The following BBS4 variants were observed in gnomAD, a reference collection of about 807,000 sequenced individuals.
The protein encoded by BBS4 is Bardet-Biedl syndrome 4, also known as BBSome complex member BBS4.
BBS4 carries 58 observed loss-of-function variants against 71.4 expected under a neutral mutation model. That is an observed-to-expected ratio of 0.81 (90% CI 0.66 to 1.01). The LOEUF (loss-of-function observed/expected upper bound fraction) is 1.01, where lower values mean the gene tolerates loss of function less well. Among genes scored for constraint, BBS4 ranks in the 50% least tolerant of loss-of-function variants. BBS4 has a pLI of 0.00. For missense variants in BBS4, 660 were observed against 607.9 expected, an observed-to-expected ratio of 1.09 and a Z score of -0.90; for synonymous variants, 228 against 216.8, an observed-to-expected ratio of 1.05 and a Z score of -0.46.
chr15:72,721,938 G>A (rs1405803651), intron 6 of BBS4, among the ~76,000 whole-genome samples: 1 of 152,172 alleles, frequency 6.6e-6, no homozygotes, highest in Admixed American at 6.5e-5. Context: ...GAACTGGAAC[G>A]CTTCAGCATC....
rs1005128635 is a variant in BBS4 at position 72,731,552 on chromosome 15, T to C, written c.865-3T>C. ...CTCATTGAGTGCCCCTTCTCTCTCA[T>C]AGGCCATCAGCTGCCTGAAACGAGC... On this transcript the variant is annotated splice_region_variant and splice_polypyrimidine_tract_variant and intron_variant, in intron 11 of 15. Coordinates refer to ENST00000268057, the MANE Select transcript of BBS4 (RefSeq NM_033028.5). The C allele has an allele frequency of 5.6e-6, 9 of 1,614,242 alleles. No homozygotes were observed. The highest frequency in any genetic ancestry group is 2.2e-5 in the South Asian group (2 of 91,092).
intron 1 of BBS4, among the ~76,000 whole-genome samples, chr15:72,688,615 G>A (rs2064923190): frequency 6.6e-6 from 1 of 151,946 alleles, no homozygotes; most frequent in Admixed American, 6.6e-5. Flanking sequence ...ACGTTGGCCA[G>A]GCTGGTCTTG....
At chr15:72,704,133 C>T (rs887398104) in intron 2 of BBS4, among the ~76,000 whole-genome samples, 1 of 152,108 alleles carries the variant, frequency 6.6e-6, no homozygotes, top group South Asian at 2.1e-4. Flanking sequence ...CTTCTGCCCC[C>T]ACTGTCTTGG....
rs2065932114 is a variant in BBS4, at chr15:72,736,760, A to C, written c.1249-2A>C. 6.2e-7 allele frequency: 1 copy of C among 1,614,156 alleles called. No homozygotes were observed. Among genetic ancestry groups the C allele is most frequent in the Non-Finnish European group, 8.5e-7 (1 of 1,180,002 alleles). On this transcript the variant is annotated splice_acceptor_variant, in intron 14 of 15. Transcript: ENST00000268057. LOFTEE classifies it high-confidence loss of function. ...TTCTTTTACTTCCTTTGTGGACACA[A>C]GATGGTGGAGATGGCTCAGAAGTTG...
At chr15:72,735,089 G>A in intron 12 of BBS4, 24 bp from the exon 13 acceptor site, 1 of 1,589,288 alleles carries the variant, frequency 6.3e-7, no homozygotes, top group Non-Finnish European at 8.6e-7. Context: ...GAGCTCTCCA[G>A]CTGCAGTGCT....
At chr15:72,727,869 A>G (rs1438731913) in intron 8 of BBS4, 71 bp from the exon 9 acceptor site, 8 of 1,156,652 alleles carry the variant, frequency 6.9e-6, no homozygotes, top group African/African-American at 3.0e-5. Context: ...GCACGAGGGC[A>G]TATTACTGTG....
At chr15:72,735,689 G>T (rs542963162) in intron 13 of BBS4, 136 bp from the exon 14 acceptor site, 7 of 1,102,040 alleles carry the variant, frequency 6.4e-6, no homozygotes, top group Non-Finnish European at 9.6e-6. Flanking sequence ...TGCTTAGCAC[G>T]TATGTACCTA....
At chr15:72,686,436 A>G in intron 1 of BBS4, 185 bp downstream of exon 1, 1 of 1,533,160 alleles carries the variant, frequency 6.5e-7, no homozygotes, top group South Asian at 1.2e-5. Context: ...AAGTCTGGAT[A>G]CTTAGCAGCA....
intron 3 of BBS4, among the ~76,000 whole-genome samples, chr15:72,712,039 T>C (rs552231310): frequency 6.6e-6 from 1 of 152,198 alleles, no homozygotes; most frequent in Admixed American, 6.5e-5. Flanking sequence ...CGGCTAATTT[T>C]TGTATTTTTA....
In BBS4 at chr15:72,731,703, G is replaced by A. The variant is rs750983167; in HGVS notation, c.1013G>A (p.Gly338Glu). ...GCCATCAACTTCCAGCCAAAGATGG[G>A]GGAGCTCTACATGCTCTTGGCAGGT... is the stretch of plus-strand genomic sequence containing the variant. ...SAAINFQPKM[G>E]ELYMLLAVAL... The change falls in exon 12 of 16, where the codon GGG becomes GAG. Residue 338 changes from glycine to glutamate, a missense_variant. Transcript: ENST00000268057. The A allele has an allele frequency of 1.9e-6, 3 of 1,614,014 alleles. No homozygotes were observed. In the South Asian group the frequency reaches 3.3e-5, roughly 18 times the overall value.
intron 8 of BBS4, 79 bp from the exon 9 acceptor site, chr15:72,727,861 A>G (rs2065732110): frequency 9.2e-7 from 1 of 1,082,902 alleles, no homozygotes; most frequent in Non-Finnish European, 1.4e-6. Flanking sequence ...CAAGTATTGC[A>G]CGAGGGCATA....
At chr15:72,736,531 C>T (rs926851510) in intron 14 of BBS4, among the ~76,000 whole-genome samples, 2 of 152,076 alleles carry the variant, frequency 1.3e-5, no homozygotes, top group South Asian at 2.1e-4. Context: ...CTGTTTGGCC[C>T]GGTAATGCAC....
chr15:72,712,705 C>T (rs2065396395), intron 4 of BBS4, among the ~76,000 whole-genome samples: 1 of 152,084 alleles, frequency 6.6e-6, no homozygotes, highest in African/African-American at 2.4e-5. Flanking sequence ...CATGGATGGA[C>T]TGGAAGTTGC....
intron 14 of BBS4, 107 bp downstream of exon 14, chr15:72,736,073 C>G (rs2065917947): frequency 1.5e-6 from 2 of 1,332,292 alleles, no homozygotes; most frequent in East Asian, 2.4e-5. Flanking sequence ...CATGGCTGTT[C>G]TGGCTTTGAT....
At chr15:72,724,707 G>A (rs768777659) in intron 8 of BBS4, 52 bp downstream of exon 8, 12 of 1,605,264 alleles carry the variant, frequency 7.5e-6, no homozygotes, top group Non-Finnish European at 1.0e-5. Context: ...AAATTGAGTG[G>A]ATATGTGAAC....
intron 12 of BBS4, 77 bp downstream of exon 12, chr15:72,731,803 G>GT: frequency 6.4e-7 from 1 of 1,564,894 alleles, no homozygotes; most frequent in Non-Finnish European, 8.8e-7. Flanking sequence ...TAGAAGATCA[G>GT]TGGCTGTCTC....
intron 6 of BBS4, among the ~76,000 whole-genome samples, chr15:72,719,653 C>G (rs17826791): frequency 0.082 from 12,445 of 152,078 alleles, 636 homozygotes; most frequent in Non-Finnish European, 0.12. Context: ...CTTAATCTAT[C>G]CAGTTGGTTG....
intron 2 of BBS4, among the ~76,000 whole-genome samples, chr15:72,707,970 AT>A (rs11331269): frequency 0.72 from 103,150 of 142,750 alleles, 37,232 homozygotes; most frequent in Middle Eastern, 0.84. Context: ...ATCAGATGTG[AT>A]TTTTTTTTTT....
At chr15:72,705,784 G>C (rs766064918) in intron 2 of BBS4, among the ~76,000 whole-genome samples, 3 of 151,566 alleles carry the variant, frequency 2.0e-5, no homozygotes, top group Non-Finnish European at 2.9e-5. Flanking sequence ...TGTAGAGATG[G>C]GGTTTGTCCA....
Sources: allele counts gnomAD v4.1 joint callset (sites outside exome capture counted in the v4.1 genomes callset), GRCh38; gene constraint gnomAD v4.1.1; transcripts MANE v1.5; gene names NCBI Gene and HGNC (gene_info 2026-07-23, HGNC 2026-07-21).